PSD3: variants seen among roughly 807,000 people sequenced by gnomAD.
The protein encoded by PSD3 is pleckstrin and Sec7 domain containing 3, also known as PH and SEC7 domain-containing protein 3.
A neutral mutation model predicts 105.5 loss-of-function variants in PSD3; 49 were observed. The ratio of observed to expected loss-of-function variants is 0.46; its 90% CI spans 0.37 to 0.59. The LOEUF (loss-of-function observed/expected upper bound fraction) is 0.59. Ranked by LOEUF, PSD3 falls within the 20% of genes least tolerant of loss-of-function variation. PSD3 has a pLI of 0.00. For missense variants in PSD3, 1,561 were observed against 1,263.8 expected (o/e 1.24, Z -3.57); for synonymous variants, 557 against 457.8 (o/e 1.22, Z -2.77).
intron 9 of PSD3, among the ~76,000 whole-genome samples, chr8:18,660,149 G>A (rs949694193): frequency 6.6e-6 from 1 of 152,136 alleles, no homozygotes; most frequent in Non-Finnish European, 1.5e-5. Flanking sequence ...GAACGTACGT[G>A]GGTGGGCTCT....
chr8:18,617,180 C>A (rs1369706329), intron 11 of PSD3, among the ~76,000 whole-genome samples: 1 of 152,096 alleles, frequency 6.6e-6, no homozygotes, highest in African/African-American at 2.4e-5. Flanking sequence ...ACCTTCTAAT[C>A]ATTTTACTAT....
chr8:18,684,184 CT>C (rs1205031402), intron 9 of PSD3: 1 of 370,406 alleles, frequency 2.7e-6, no homozygotes, highest in Admixed American at 4.1e-5. Flanking sequence ...CAATCCACCC[CT>C]GCTACTCGTC....
intron 2 of PSD3, among the ~76,000 whole-genome samples, chr8:18,910,245 C>A (rs1820120718): frequency 6.8e-6 from 1 of 147,482 alleles, no homozygotes. Flanking sequence ...CTCAAATGTC[C>A]AACAATGATA....
intron 1 of PSD3, among the ~76,000 whole-genome samples, chr8:19,019,027 C>G (rs1481569766): frequency 6.6e-6 from 1 of 152,178 alleles, no homozygotes; most frequent in Admixed American, 6.6e-5. Flanking sequence ...GATCTCCTGA[C>G]CTTATGATCT....
chr8:18,913,995 C>T (rs999775116), intron 2 of PSD3, among the ~76,000 whole-genome samples: 15 of 152,066 alleles, frequency 9.9e-5, no homozygotes, highest in Non-Finnish European at 1.2e-4. Flanking sequence ...ACACAAGCTC[C>T]GGGCCCATCA....
intron 14 of PSD3, among the ~76,000 whole-genome samples, chr8:18,563,776 T>C (rs1202125490): frequency 1.3e-5 from 2 of 152,132 alleles, no homozygotes; most frequent in Non-Finnish European, 1.5e-5. Context: ...ATCAAAGAGT[T>C]TGAATGTGAA....
chr8:18,594,015 C>A (rs1803814596), intron 12 of PSD3, among the ~76,000 whole-genome samples: 1 of 143,868 alleles, frequency 7.0e-6, no homozygotes. Flanking sequence ...AAGAGACATA[C>A]CTAATGCAAA....
chr8:19,007,615 T>C (rs910865379), intron 1 of PSD3, among the ~76,000 whole-genome samples: 13 of 152,072 alleles, frequency 8.5e-5, no homozygotes, highest in African/African-American at 3.1e-4. Flanking sequence ...TTGCTGATTG[T>C]GAAGTTTGAC....
intron 1 of PSD3, among the ~76,000 whole-genome samples, chr8:18,994,956 T>C (rs936737184): frequency 1.3e-5 from 2 of 151,930 alleles, no homozygotes; most frequent in Admixed American, 1.3e-4. Context: ...AGGTACTTTT[T>C]AAGTACCGCG....
At chr8:18,766,932 A>G (rs2129443852) in intron 8 of PSD3, among the ~76,000 whole-genome samples, 1 of 152,342 alleles carries the variant, frequency 6.6e-6, no homozygotes, top group South Asian at 2.1e-4. Context: ...CCTTTGCACT[A>G]GCGGGAGATA....
At chr8:18,856,799 T>C (rs1025386897) in intron 4 of PSD3, among the ~76,000 whole-genome samples, 2 of 152,204 alleles carry the variant, frequency 1.3e-5, no homozygotes, top group Non-Finnish European at 2.9e-5. Flanking sequence ...AGTCCATTCA[T>C]ACTGGGTGAC....
At chr8:18,953,443 C>T (rs2129470198) in intron 1 of PSD3, among the ~76,000 whole-genome samples, 1 of 152,170 alleles carries the variant, frequency 6.6e-6, no homozygotes, top group South Asian at 2.1e-4. Flanking sequence ...ACAATCTGTC[C>T]ATCAATATAC....
intron 4 of PSD3, among the ~76,000 whole-genome samples, chr8:18,819,322 G>C (rs1338477606): frequency 6.6e-6 from 1 of 152,082 alleles, no homozygotes; most frequent in Non-Finnish European, 1.5e-5. Flanking sequence ...GCACAAACCA[G>C]CTTGAATCAC....
intron 1 of PSD3, among the ~76,000 whole-genome samples, chr8:18,942,479 T>C (rs915245250): frequency 6.6e-6 from 1 of 152,318 alleles, no homozygotes; most frequent in South Asian, 2.1e-4. Flanking sequence ...ATGGGCTGAA[T>C]TGTGTCCCCC....
intron 11 of PSD3, among the ~76,000 whole-genome samples, chr8:18,603,806 C>CT (rs1804612074): frequency 6.6e-6 from 1 of 152,188 alleles, no homozygotes; most frequent in Admixed American, 6.5e-5. Context: ...GCCCAGTTTG[C>CT]TTGCTCCTTC....
At chr8:18,936,668 G>C (rs1822156649) in intron 1 of PSD3, among the ~76,000 whole-genome samples, 1 of 151,056 alleles carries the variant, frequency 6.6e-6, no homozygotes, top group African/African-American at 2.4e-5. Flanking sequence ...TGAGGCAAGA[G>C]AATCACTTGA....
In PSD3 at chr8:18,627,659, A is replaced by G. The variant is rs113972788; in HGVS notation, c.2410+4954T>C. The stretch of plus-strand genomic sequence containing the variant: ...AACAAAGGGTAAAGGCAAGCGTCTA[A>G]AGAATTCAGTTAATCTGCAAGTTAC... On this transcript the variant is annotated intron_variant, in intron 11 of 15. Coordinates refer to ENST00000327040, the MANE Select transcript of PSD3 (RefSeq NM_015310.4). Among the ~76,000 whole-genome samples the G allele has an allele frequency of 6.8e-3, 1,037 of 152,190 alleles. 13 individuals carry two copies. Among genetic ancestry groups the G allele is most frequent in the African/African-American group, 0.023 (968 of 41,536 alleles).
intron 15 of PSD3, among the ~76,000 whole-genome samples, chr8:18,542,485 G>A (rs192870656): frequency 3.1e-4 from 47 of 152,210 alleles, no homozygotes; most frequent in African/African-American, 8.4e-4. Context: ...TTATATCTTC[G>A]CTTTGATAAT....
At chr8:18,563,378 C>T (rs1195956520) in intron 14 of PSD3, among the ~76,000 whole-genome samples, 1 of 151,998 alleles carries the variant, frequency 6.6e-6, no homozygotes, top group Non-Finnish European at 1.5e-5. Context: ...GAGGGGAGGG[C>T]TTAGACTGTT....
Sources: allele counts gnomAD v4.1 joint callset (sites outside exome capture counted in the v4.1 genomes callset), GRCh38; gene constraint gnomAD v4.1.1; transcripts MANE v1.5; gene names NCBI Gene and HGNC (gene_info 2026-07-23, HGNC 2026-07-21).